The following HECW1 variants were observed in gnomAD, a reference collection of about 807,000 sequenced individuals.
The protein encoded by HECW1 is E3 ubiquitin-protein ligase HECW1.
A neutral mutation model predicts 182.3 loss-of-function variants in HECW1; 61 were observed. The observed-to-expected ratio is 0.33, with a 90% CI of 0.27 to 0.41. HECW1 has a LOEUF of 0.41. Ranked by LOEUF, HECW1 falls within the 10% of genes least tolerant of loss-of-function variation. The pLI is 1.00. For synonymous variants in HECW1, 859 were observed against 832.6 expected, an observed-to-expected ratio of 1.03 and a Z score of -0.55; for missense variants, 1,739 against 2,108.9, an observed-to-expected ratio of 0.82 and a Z score of 3.44.
rs1795097254 is a variant in HECW1, at chr7:43,202,513, C to T, written c.-31-41362C>T. Reference sequence around the variant, plus strand: ...TTTTGAAACAGAATCTCACTCTATCCCCCAGGCTGGAGTGCAGTGGTGCAA... The same window carrying T: ...TTTTGAAACAGAATCTCACTCTATCTCCCAGGCTGGAGTGCAGTGGTGCAA... On this transcript the variant is annotated intron_variant, in intron 2 of 29. Transcript: ENST00000395891. Among the ~76,000 whole-genome samples, 3 of 151,194 alleles carry T rather than the reference C, an allele frequency of 2.0e-5. No individual in the cohort carries two copies. The East Asian group carries it at 5.8e-4, about 29-fold the overall frequency.
chr7:43,122,328 C>T (rs1785715255), intron 2 of HECW1, among the ~76,000 whole-genome samples: 1 of 152,190 alleles, frequency 6.6e-6, no homozygotes, highest in African/African-American at 2.4e-5. Flanking sequence ...GTCCCAGTAA[C>T]TCTTTCCAGG....
At chr7:43,409,527 A>G (rs558001329) in intron 8 of HECW1, among the ~76,000 whole-genome samples, 3 of 152,358 alleles carry the variant, frequency 2.0e-5, no homozygotes, top group East Asian at 3.9e-4. Flanking sequence ...AAAAACGTCA[A>G]CTAGAATTCA....
intron 2 of HECW1, among the ~76,000 whole-genome samples, chr7:43,116,431 A>G (rs1785055119): frequency 6.6e-6 from 1 of 152,210 alleles, no homozygotes; most frequent in Non-Finnish European, 1.5e-5. Context: ...TGCTAGGATG[A>G]TGGACACGTC....
intron 3 of HECW1, among the ~76,000 whole-genome samples, chr7:43,291,543 A>T (rs1312784378): frequency 6.6e-6 from 1 of 152,382 alleles, no homozygotes; most frequent in East Asian, 1.9e-4. Flanking sequence ...GCTACATAGG[A>T]TAGGGCTTAA....
chr7:43,314,045 C>T (rs1175558058), intron 4 of HECW1, among the ~76,000 whole-genome samples: 3 of 152,072 alleles, frequency 2.0e-5, no homozygotes, highest in East Asian at 1.9e-4. Context: ...AACTCCAGGG[C>T]TCAAGTGATC....
chr7:43,336,149 T>TCTCTCTCTCG, intron 5 of HECW1, among the ~76,000 whole-genome samples: 1 of 50,960 alleles, frequency 2.0e-5, no homozygotes, highest in Non-Finnish European at 3.8e-5. Context: ...TCTCTTTCTC[T>TCTCTCTCTCG]CTCTCTCTCT....
At chr7:43,164,590 C>A (rs775651631) in intron 2 of HECW1, among the ~76,000 whole-genome samples, 1 of 152,232 alleles carries the variant, frequency 6.6e-6, no homozygotes, top group African/African-American at 2.4e-5. Context: ...CTTTATCAGG[C>A]CTCCTGAGGG....
At position 43,338,822 on chromosome 7, in the gene HECW1, C is replaced by CT. The variant is rs139879119; in HGVS notation, c.460+18081dup. Among the ~76,000 whole-genome samples, 1,340 of 149,218 alleles carry CT rather than the reference C, an allele frequency of 9.0e-3. 21 individuals are homozygous for CT. The highest frequency in any genetic ancestry group is 0.032 in the African/African-American group (1,305 of 40,500). On this transcript the variant is annotated intron_variant, in intron 5 of 29. Coordinates refer to ENST00000395891, the MANE Select transcript of HECW1 (RefSeq NM_015052.5). ...TGTTTCTGTCTGGGATCATTTTCCT[C>CT]TAAAAAAAAAAAAAGAGTTCCCTTT... is the stretch of plus-strand genomic sequence containing the variant.
At position 43,493,186 on chromosome 7, in the gene HECW1, C is replaced by A. The variant is rs778126866; in HGVS notation, c.3437+6C>A. The A allele has an allele frequency of 1.3e-6, 2 of 1,594,894 alleles. No homozygotes were observed. Among genetic ancestry groups the A allele is most frequent in the East Asian group, 2.2e-5 (1 of 44,712 alleles). ...GCAAGAAACCACACACTCAGGTAAG[C>A]CTCGCCCCTCACTCCCTGGAACTCT... On this transcript the variant is annotated splice_donor_region_variant and intron_variant, in intron 19 of 29. Transcript: ENST00000395891.
Position 43,541,989 on chromosome 7 carries a change from T to C in HECW1, c.4239T>C (p.Val1413=), listed in dbSNP as rs774734944. 1.3e-6 allele frequency: 2 copies of C among 1,529,468 alleles called. No homozygotes were observed. Among genetic ancestry groups the C allele is most frequent in the East Asian group, 4.9e-5 (2 of 40,938 alleles). The allele number at this position is 1,529,468 out of a possible 1,614,324, so 94.7% of individuals were successfully genotyped here. A position where few individuals can be genotyped will look rare whatever the true frequency, so the allele number is the denominator to read the frequency against. ...LDLTFTVNEE[V]FGQVTERELK... ...TCACTTTCACTGTTAATGAAGAGGT[T>C]TTTGGACAGGTTTGTGTGACATGGG... The change falls in exon 26 of 30, where the codon GTT becomes GTC. Residue 1413 remains valine, a synonymous_variant. Coordinates refer to ENST00000395891, the MANE Select transcript of HECW1 (RefSeq NM_015052.5).
Position 43,405,459 on chromosome 7 carries a change from A to G in HECW1, c.632-2103A>G, listed in dbSNP as rs548700139. On this transcript the variant is annotated intron_variant, in intron 7 of 29. Coordinates refer to ENST00000395891, the MANE Select transcript of HECW1 (RefSeq NM_015052.5). ...GGAGGAAGCCAGGAGCAAGCTTCCA[A>G]TGGGCCTCTCCCGGTGGAGTTACAC... Among the ~76,000 whole-genome samples the G allele has an allele frequency of 7.2e-5, 11 of 152,270 alleles. No homozygotes were observed. The South Asian group carries it at 2.1e-3, about 29-fold the overall frequency.
intron 3 of HECW1, among the ~76,000 whole-genome samples, chr7:43,253,347 C>T (rs1000621201): frequency 1.3e-5 from 2 of 152,140 alleles, no homozygotes; most frequent in African/African-American, 4.8e-5. Context: ...GTGATGATGA[C>T]GGTGATGACC....
chr7:43,308,024 AT>A (rs1807855920), intron 3 of HECW1, among the ~76,000 whole-genome samples: 1 of 118,780 alleles, frequency 8.4e-6, no homozygotes, highest in Non-Finnish European at 1.6e-5. Context: ...TATATATAAT[AT>A]ATTATATATT....
At chr7:43,557,818 A>C (rs933646439) in intron 29 of HECW1, among the ~76,000 whole-genome samples, 3 of 152,232 alleles carry the variant, frequency 2.0e-5, no homozygotes, top group African/African-American at 2.4e-5. Context: ...TGTATATCTG[A>C]AACTCAAGTT....
In HECW1 at chr7:43,237,842, CG is replaced by C. The variant is rs1337774628; in HGVS notation, c.-31-6032del. On this transcript the variant is annotated intron_variant, in intron 2 of 29. Coordinates refer to ENST00000395891, the MANE Select transcript of HECW1 (RefSeq NM_015052.5). The stretch of plus-strand genomic sequence containing the variant: ...CAATTCACCAGTCTTTCCCCCCCGC[CG>C]CCCCCACTTGGAGCCTGCAAAAGCG... 4.8e-3 allele frequency among the ~76,000 whole-genome samples: 691 copies of C among 144,472 alleles called. 11 individuals are homozygous for C. The highest frequency in any genetic ancestry group is 0.016 in the African/African-American group (633 of 39,576). 94.8% of individuals were successfully genotyped at this position (144,472 alleles called of 152,430 possible).
At chr7:43,339,695 A>G (rs1003817609) in intron 5 of HECW1, among the ~76,000 whole-genome samples, 2 of 152,170 alleles carry the variant, frequency 1.3e-5, no homozygotes, top group Admixed American at 6.5e-5. Flanking sequence ...AGGGTTTGCC[A>G]TGTCCTCAGC....
At chr7:43,539,620 T>C (rs1342343363) in intron 24 of HECW1, among the ~76,000 whole-genome samples, 1 of 152,148 alleles carries the variant, frequency 6.6e-6, no homozygotes. Flanking sequence ...TACTACCTGC[T>C]TTGATTCCCA....
chr7:43,351,994 A>G (rs1027961230), intron 5 of HECW1, among the ~76,000 whole-genome samples: 3 of 152,138 alleles, frequency 2.0e-5, no homozygotes, highest in African/African-American at 7.2e-5. Flanking sequence ...GACAGGCTTT[A>G]GATTTTTAAG....
At chr7:43,375,094 C>T (rs2074272764) in intron 6 of HECW1, among the ~76,000 whole-genome samples, 1 of 152,110 alleles carries the variant, frequency 6.6e-6, no homozygotes, top group Non-Finnish European at 1.5e-5. Context: ...TGTGAAATTT[C>T]CTAAAATTTC....
Sources: gnomAD v4.1 joint callset for allele counts (sites outside exome capture counted in the v4.1 genomes callset) on GRCh38, gnomAD v4.1.1 for gene constraint, MANE v1.5 for transcripts, NCBI Gene and HGNC (gene_info 2026-07-23, HGNC 2026-07-21) for gene names.